The following HPSE2 variants were observed in gnomAD, a reference collection of about 807,000 sequenced individuals.
HPSE2 encodes heparanase 2 (inactive).
A neutral mutation model predicts 60.5 loss-of-function variants in HPSE2; 38 were observed. The ratio of observed to expected loss-of-function variants is 0.63; its 90% CI spans 0.48 to 0.82. The LOEUF is 0.82. Ranked by LOEUF, HPSE2 falls within the 40% of genes least tolerant of loss-of-function variation. The pLI is 0.00. For synonymous variants in HPSE2, 295 were observed against 293.2 expected, an observed-to-expected ratio of 1.01 and a Z score of -0.06; for missense variants, 713 against 740.4, an observed-to-expected ratio of 0.96 and a Z score of 0.43.
intron 4 of HPSE2, among the ~76,000 whole-genome samples, chr10:98,726,235 C>A (rs892367961): frequency 6.6e-6 from 1 of 152,056 alleles, no homozygotes; most frequent in Non-Finnish European, 1.5e-5. Flanking sequence ...GGAACCCACC[C>A]AAATGTCCAA....
chr10:98,710,423 G>A (rs892462881), intron 5 of HPSE2, among the ~76,000 whole-genome samples: 1 of 151,896 alleles, frequency 6.6e-6, no homozygotes, highest in African/African-American at 2.4e-5. Flanking sequence ...TCTCTATTTA[G>A]GCTTCCCTTG....
chr10:98,902,353 A>G (rs1953689895), intron 3 of HPSE2, among the ~76,000 whole-genome samples: 1 of 152,188 alleles, frequency 6.6e-6, no homozygotes, highest in African/African-American at 2.4e-5. Context: ...TTACTACTTG[A>G]CATATAAAGT....
At chr10:99,073,986 A>G (rs1161469644) in intron 3 of HPSE2, among the ~76,000 whole-genome samples, 1 of 132,710 alleles carries the variant, frequency 7.5e-6, no homozygotes, top group Non-Finnish European at 1.6e-5. Flanking sequence ...TTCTACATGT[A>G]AGATAATGTC....
At chr10:98,972,649 T>C (rs1436519793) in intron 3 of HPSE2, among the ~76,000 whole-genome samples, 1 of 152,176 alleles carries the variant, frequency 6.6e-6, no homozygotes, top group Non-Finnish European at 1.5e-5. Flanking sequence ...TTGAGTTATT[T>C]ATAAGTTAAT....
At chr10:99,269,825 AC>A in the HPSE2 span, among the ~76,000 whole-genome samples, 2 of 152,214 alleles carry the variant, frequency 1.3e-5, no homozygotes, top group Admixed American at 1.3e-4. Context: ...TCCGAAAGGA[AC>A]CCTCAAAACC....
At chr10:98,996,670 G>C (rs1050456881) in intron 3 of HPSE2, among the ~76,000 whole-genome samples, 15 of 152,228 alleles carry the variant, frequency 9.9e-5, no homozygotes, top group Non-Finnish European at 7.3e-5. Flanking sequence ...TAATGGAACA[G>C]TACTCAGCAA....
chr10:99,153,997 T>A (rs1281580609), intron 2 of HPSE2, among the ~76,000 whole-genome samples: 1 of 151,940 alleles, frequency 6.6e-6, no homozygotes, highest in African/African-American at 2.4e-5. Flanking sequence ...GAAGAAAGGG[T>A]ATCAGCAATG....
At chr10:99,207,414 GA>G (rs926010413) in intron 2 of HPSE2, among the ~76,000 whole-genome samples, 2 of 152,036 alleles carry the variant, frequency 1.3e-5, no homozygotes, top group African/African-American at 4.8e-5. Context: ...AGTTCTGAAA[GA>G]AAAAGATGCT....
At chr10:99,207,367 T>G (rs1403319249) in intron 2 of HPSE2, among the ~76,000 whole-genome samples, 1 of 152,130 alleles carries the variant, frequency 6.6e-6, no homozygotes, top group Non-Finnish European at 1.5e-5. Context: ...AAGGAACTCA[T>G]CATCACCAGA....
intron 5 of HPSE2, among the ~76,000 whole-genome samples, chr10:98,707,680 T>TGGGCCCATAAGTAGA (rs1322034459): frequency 6.6e-6 from 1 of 152,190 alleles, no homozygotes; most frequent in African/African-American, 2.4e-5. Context: ...TAGAATAGTA[T>TGGGCCCATAAGTAGA]ATAGTTTACA....
At chr10:99,055,887 T>C (rs1958102117) in intron 3 of HPSE2, among the ~76,000 whole-genome samples, 1 of 151,960 alleles carries the variant, frequency 6.6e-6, no homozygotes, top group African/African-American at 2.4e-5. Context: ...ATATTTAAAA[T>C]CAATTATCTA....
chr10:98,868,815 C>T (rs1847789835), intron 3 of HPSE2, among the ~76,000 whole-genome samples: 1 of 152,050 alleles, frequency 6.6e-6, no homozygotes, highest in Admixed American at 6.6e-5. Context: ...TCAAAAATGT[C>T]CTAATTTTCA....
At chr10:99,275,578 C>T in the HPSE2 span, among the ~76,000 whole-genome samples, 1 of 152,132 alleles carries the variant, frequency 6.6e-6, no homozygotes, top group African/African-American at 2.4e-5. Flanking sequence ...AAAAACCATC[C>T]CAGCAACAGC....
chr10:99,103,358 C>A lies in HPSE2; in HGVS notation c.610+40880G>T, dbSNP rs61885386. ...CCAATAACAGACAAACAGAGAGCCA[C>A]ATCATCAGTGAACTCCCATTCACAA... On this transcript the variant is annotated intron_variant, in intron 3 of 11. Coordinates refer to ENST00000370552, the MANE Select transcript of HPSE2 (RefSeq NM_021828.5). Among the ~76,000 whole-genome samples the A allele has an allele frequency of 4.8e-4, 73 of 151,880 alleles. 1 individual carries two copies. In the East Asian group the frequency reaches 5.1e-3, roughly 11 times the overall value.
intron 9 of HPSE2, among the ~76,000 whole-genome samples, chr10:98,577,994 T>C (rs141833108): frequency 4.6e-5 from 7 of 152,334 alleles, no homozygotes; most frequent in Non-Finnish European, 7.4e-5. Flanking sequence ...TCTGCCTTAT[T>C]ATTAACCCTG....
chr10:98,977,502 C>T (rs896463035), intron 3 of HPSE2, among the ~76,000 whole-genome samples: 2 of 152,066 alleles, frequency 1.3e-5, no homozygotes, highest in Non-Finnish European at 2.9e-5. Context: ...TGACTTATTA[C>T]ATTTTCTTGT....
intron 2 of HPSE2, among the ~76,000 whole-genome samples, chr10:99,154,812 T>A (rs1478189120): frequency 2.6e-5 from 4 of 151,968 alleles, no homozygotes; most frequent in African/African-American, 9.7e-5. Flanking sequence ...ACTGGCAAAT[T>A]GGATAAAGAG....
chr10:99,080,101 G>A (rs1213815365), intron 3 of HPSE2, among the ~76,000 whole-genome samples: 1 of 152,120 alleles, frequency 6.6e-6, no homozygotes, highest in Non-Finnish European at 1.5e-5. Context: ...GTTTTTGGAT[G>A]TCTCAAAAAA....
the HPSE2 span, among the ~76,000 whole-genome samples, chr10:99,315,715 C>T: frequency 2.0e-5 from 3 of 152,142 alleles, no homozygotes; most frequent in African/African-American, 4.8e-5. Context: ...TGAGTCCTAC[C>T]CACTAATCTC....
Sources: gnomAD v4.1 joint callset for allele counts (sites outside exome capture counted in the v4.1 genomes callset) on GRCh38, gnomAD v4.1.1 for gene constraint, MANE v1.5 for transcripts, NCBI Gene and HGNC (gene_info 2026-07-23, HGNC 2026-07-21) for gene names.